Variants in PTPN4 observed in about 807,000 individuals in gnomAD.
The protein encoded by PTPN4 is protein tyrosine phosphatase non-receptor type 4, also known as tyrosine-protein phosphatase non-receptor type 4.
A neutral mutation model predicts 135.5 loss-of-function variants in PTPN4; 49 were observed. The observed-to-expected ratio is 0.36, with a 90% CI of 0.29 to 0.46. The LOEUF is 0.46. Ranked by LOEUF, PTPN4 falls within the 20% of genes least tolerant of loss-of-function variation. PTPN4 has a pLI of 1.00. For synonymous variants in PTPN4, 333 were observed against 369.9 expected, an observed-to-expected ratio of 0.90 and a Z score of 1.14; for missense variants, 860 against 1,101.0, an observed-to-expected ratio of 0.78 and a Z score of 3.10.
At chr2:119,957,597 G>A (rs1014552128) in intron 22 of PTPN4, among the ~76,000 whole-genome samples, 27 of 147,054 alleles carry the variant, frequency 1.8e-4, no homozygotes, top group African/African-American at 4.8e-4. Flanking sequence ...TCTAGAATAC[G>A]TCATTGTAAA....
intron 2 of PTPN4, among the ~76,000 whole-genome samples, chr2:119,846,824 C>T (rs55729297): frequency 0.27 from 40,522 of 151,498 alleles, 5,473 homozygotes; most frequent in South Asian, 0.33. Flanking sequence ...CAGAATACTT[C>T]AGGCTTATAA....
At chr2:119,900,577 G>T in intron 9 of PTPN4, 141 bp from the exon 10 acceptor site, 2 of 450,446 alleles carry the variant, frequency 4.4e-6, no homozygotes, top group Non-Finnish European at 7.9e-6. Context: ...GTACCATTTG[G>T]GTTTCTAATT....
intron 10 of PTPN4, among the ~76,000 whole-genome samples, chr2:119,907,174 T>A (rs1211721138): frequency 6.6e-6 from 1 of 152,030 alleles, no homozygotes; most frequent in East Asian, 1.9e-4. Context: ...TAGAAAAACA[T>A]CTCATACTCA....
At chr2:119,780,132 T>G (rs1304714056) in intron 1 of PTPN4, among the ~76,000 whole-genome samples, 1 of 152,214 alleles carries the variant, frequency 6.6e-6, no homozygotes, top group Non-Finnish European at 1.5e-5. Flanking sequence ...AATGGTATAT[T>G]GAACATCTGT....
intron 10 of PTPN4, among the ~76,000 whole-genome samples, chr2:119,906,905 A>T (rs936103515): frequency 2.6e-5 from 4 of 152,226 alleles, no homozygotes; most frequent in Non-Finnish European, 5.9e-5. Context: ...CTGATCATAA[A>T]GAAAAGCCTG....
At chr2:119,789,821 C>G (rs1178337494) in intron 1 of PTPN4, among the ~76,000 whole-genome samples, 1 of 152,090 alleles carries the variant, frequency 6.6e-6, no homozygotes, top group Non-Finnish European at 1.5e-5. Context: ...CTCCCAGGTT[C>G]AAGTGATTCT....
chr2:119,847,275 TACACACACACACACAC>T (rs775485671), intron 2 of PTPN4, among the ~76,000 whole-genome samples: 11 of 107,528 alleles, frequency 1.0e-4, no homozygotes, highest in East Asian at 2.4e-4. Flanking sequence ...ATACTCTATA[TACACACACACACACAC>T]ACACACACAC....
intron 1 of PTPN4, among the ~76,000 whole-genome samples, chr2:119,783,424 G>A (rs1558724217): frequency 6.6e-6 from 1 of 152,194 alleles, no homozygotes; most frequent in Non-Finnish European, 1.5e-5. Flanking sequence ...TCTGGGGCAA[G>A]TGTTGAGGTG....
In PTPN4 at chr2:119,952,212, A is replaced by G. The variant is rs76433485; in HGVS notation, c.1813+83A>G. 2.6e-4 allele frequency: 347 copies of G among 1,309,902 alleles called. 4 individuals are homozygous for G. In the East Asian group the frequency reaches 7.7e-3, roughly 29 times the overall value. 81.1% of individuals were successfully genotyped at this position (1,309,902 alleles called of 1,614,324 possible). A position where few individuals can be genotyped will look rare whatever the true frequency, so the allele number is the denominator to read the frequency against. On this transcript the variant is annotated intron_variant, in intron 19 of 26. Transcript: ENST00000263708. ...AGCACAGCAGCCAGATTTCTGACAT[A>G]AAACATAAGTCACCTAAGTTTCCTG...
At chr2:119,943,883 T>C (rs1679097735) in intron 15 of PTPN4, among the ~76,000 whole-genome samples, 1 of 152,082 alleles carries the variant, frequency 6.6e-6, no homozygotes, top group South Asian at 2.1e-4. Flanking sequence ...TGAGCCACTG[T>C]GCCCAGCCCA....
chr2:119,935,627 A>G (rs182260471), intron 15 of PTPN4, among the ~76,000 whole-genome samples: 205 of 152,304 alleles, frequency 1.3e-3, no homozygotes, highest in East Asian at 6.9e-3. Flanking sequence ...AAATGGAGAA[A>G]TAGGACAGAT....
chr2:119,956,642 A>G (rs1386462556), intron 20 of PTPN4, among the ~76,000 whole-genome samples: 1 of 152,216 alleles, frequency 6.6e-6, no homozygotes, highest in Non-Finnish European at 1.5e-5. Context: ...AAAATATGAC[A>G]CATAATTTAT....
intron 10 of PTPN4, among the ~76,000 whole-genome samples, chr2:119,907,625 T>C (rs1678509105): frequency 6.6e-6 from 1 of 151,772 alleles, no homozygotes; most frequent in Non-Finnish European, 1.5e-5. Context: ...AAAAAAAATA[T>C]TGTATGGAAC....
rs1463648979 is a variant in PTPN4, at chr2:119,807,883, A to G, written c.-17-1954A>G. ...ATCAGAAAGCTTATCCCCCAAGATCAAGTCGGCTTCATCCCTGGGATGCAA... is the reference window on the plus strand; with the variant it reads ...ATCAGAAAGCTTATCCCCCAAGATCGAGTCGGCTTCATCCCTGGGATGCAA... On this transcript the variant is annotated intron_variant, in intron 1 of 26. Coordinates refer to ENST00000263708, the MANE Select transcript of PTPN4 (RefSeq NM_002830.4). 2.6e-5 allele frequency among the ~76,000 whole-genome samples: 4 copies of G among 152,354 alleles called. No homozygotes were observed. The East Asian group carries it at 7.7e-4, about 29-fold the overall frequency.
rs1007167512 is a variant in PTPN4, at chr2:119,980,692, G to A, written c.*3622G>A. 1 of 151,900 alleles carries A rather than the reference G, an allele frequency of 6.6e-6. No homozygotes were observed. Among genetic ancestry groups the A allele is most frequent in the African/African-American group, 2.4e-5 (1 of 41,382 alleles). 9.4% of individuals were successfully genotyped at this position (151,900 alleles called of 1,614,324 possible). A position where few individuals can be genotyped will look rare whatever the true frequency, so the allele number is the denominator to read the frequency against. On this transcript the variant is annotated 3_prime_UTR_variant, in exon 27 of 27. Coordinates refer to ENST00000263708, the MANE Select transcript of PTPN4 (RefSeq NM_002830.4). ...ACTTAATAACTATGACAACCTTAAAGGATGTCACTTAAGTTAGAAAATAAG... is the reference window on the plus strand; with the variant it reads ...ACTTAATAACTATGACAACCTTAAAAGATGTCACTTAAGTTAGAAAATAAG...
chr2:119,820,978 C>T (rs532194742), intron 2 of PTPN4, among the ~76,000 whole-genome samples: 83 of 151,752 alleles, frequency 5.5e-4, no homozygotes, highest in Non-Finnish European at 1.1e-3. Flanking sequence ...AATATTTATC[C>T]TGAAACTCCT....
Position 119,790,432 on chromosome 2 carries a change from A to G in PTPN4, c.-17-19405A>G, listed in dbSNP as rs200398526. Among the ~76,000 whole-genome samples the G allele has an allele frequency of 3.9e-5, 6 of 152,182 alleles. No individual in the cohort carries two copies. The East Asian group carries it at 1.2e-3, about 29-fold the overall frequency. ...TTGTCTGCCCTTTTGTTCTTATACA[A>G]TAAGAGTAAAACTTATTATCTAGTA... On this transcript the variant is annotated intron_variant, in intron 1 of 26. Transcript: ENST00000263708.
chr2:119,920,393 T>C (rs192970831), intron 12 of PTPN4, 152 bp downstream of exon 12: 14 of 804,352 alleles, frequency 1.7e-5, no homozygotes, highest in Middle Eastern at 3.5e-4. Flanking sequence ...ATCAGTATCA[T>C]TAAAAAGTTC....
chr2:119,787,276 G>A (rs1691063822), intron 1 of PTPN4, among the ~76,000 whole-genome samples: 1 of 152,312 alleles, frequency 6.6e-6, no homozygotes, highest in East Asian at 1.9e-4. Context: ...GGAAACAGAG[G>A]CCAAAGTGAT....
Sources: allele counts gnomAD v4.1 joint callset (sites outside exome capture counted in the v4.1 genomes callset), GRCh38; gene constraint gnomAD v4.1.1; transcripts MANE v1.5; gene names NCBI Gene and HGNC (gene_info 2026-07-23, HGNC 2026-07-21).